ADAMTSL3: variants seen among roughly 807,000 people sequenced by gnomAD.
ADAMTSL3 encodes ADAMTS-like protein 3.
A neutral mutation model predicts 201.7 loss-of-function variants in ADAMTSL3; 128 were observed. That is an observed-to-expected ratio of 0.63 (90% CI 0.55 to 0.73). The LOEUF is 0.73. Ranked by LOEUF, ADAMTSL3 falls within the 30% of genes least tolerant of loss-of-function variation. ADAMTSL3 has a pLI of 0.00. For missense variants in ADAMTSL3, 1,990 were observed against 2,119.6 expected, an observed-to-expected ratio of 0.94 and a Z score of 1.20; for synonymous variants, 738 against 748.4, an observed-to-expected ratio of 0.99 and a Z score of 0.23.
At chr15:83,953,223 C>T (rs902702072) in intron 19 of ADAMTSL3, among the ~76,000 whole-genome samples, 6 of 152,044 alleles carry the variant, frequency 3.9e-5, no homozygotes, top group African/African-American at 1.4e-4. Context: ...TCCTTCCTTC[C>T]TGTTTTCTTT....
intron 4 of ADAMTSL3, among the ~76,000 whole-genome samples, chr15:83,792,231 A>C (rs182235591): frequency 6.6e-6 from 1 of 152,244 alleles, no homozygotes; most frequent in Non-Finnish European, 1.5e-5. Context: ...AAAGATATAC[A>C]TAGGATGAAC....
chr15:83,870,717 A>G, intron 8 of ADAMTSL3, 85 bp from the exon 9 acceptor site: 2 of 1,137,054 alleles, frequency 1.8e-6, no homozygotes, highest in Non-Finnish European at 1.2e-6. Context: ...GATATCATAT[A>G]CTGACATTGT....
chr15:83,958,858 G>A (rs138526789), intron 19 of ADAMTSL3, among the ~76,000 whole-genome samples: 4 of 152,072 alleles, frequency 2.6e-5, no homozygotes, highest in Non-Finnish European at 5.9e-5. Context: ...TCAGAATGTA[G>A]ACTAAACACT....
chr15:83,717,629 T>C (rs956849032), intron 3 of ADAMTSL3: 2 of 152,180 alleles, frequency 1.3e-5, no homozygotes, highest in African/African-American at 4.8e-5. Context: ...GGCTTTGGGA[T>C]CATGCAAATA....
intron 4 of ADAMTSL3, among the ~76,000 whole-genome samples, chr15:83,784,808 A>G (rs1035346842): frequency 6.7e-6 from 1 of 149,678 alleles, no homozygotes; most frequent in Non-Finnish European, 1.5e-5. Context: ...TTTTTTCTTT[A>G]TTCCCATTTC....
chr15:83,860,400 G>C (rs1247866569), intron 8 of ADAMTSL3, among the ~76,000 whole-genome samples: 1 of 152,142 alleles, frequency 6.6e-6, no homozygotes, highest in Non-Finnish European at 1.5e-5. Flanking sequence ...GGCTGACACT[G>C]TTTTCCCAGA....
intron 2 of ADAMTSL3, among the ~76,000 whole-genome samples, chr15:83,681,137 C>T (rs1446498279): frequency 6.6e-6 from 1 of 152,164 alleles, no homozygotes. Flanking sequence ...CTAGAATAGG[C>T]TATATCATGC....
At chr15:83,682,806 T>G (rs892433626) in intron 2 of ADAMTSL3, among the ~76,000 whole-genome samples, 1 of 152,228 alleles carries the variant, frequency 6.6e-6, no homozygotes, top group Non-Finnish European at 1.5e-5. Context: ...AATGTTTGCT[T>G]TCTTAGAAGT....
intron 17 of ADAMTSL3, among the ~76,000 whole-genome samples, chr15:83,927,768 T>C (rs1176507891): frequency 6.6e-6 from 1 of 152,170 alleles, no homozygotes; most frequent in Non-Finnish European, 1.5e-5. Flanking sequence ...TAGTCCAAAT[T>C]CTGCCTTTTC....
intron 2 of ADAMTSL3, among the ~76,000 whole-genome samples, chr15:83,670,602 A>T (rs2061318735): frequency 6.6e-6 from 1 of 152,190 alleles, no homozygotes; most frequent in Non-Finnish European, 1.5e-5. Context: ...ATTTCATTTC[A>T]TTCTATTCCA....
At chr15:83,958,249 T>C (rs1345699893) in intron 19 of ADAMTSL3, among the ~76,000 whole-genome samples, 1 of 152,156 alleles carries the variant, frequency 6.6e-6, no homozygotes, top group East Asian at 1.9e-4. Flanking sequence ...TCAGCCAAAT[T>C]GAGGAAGGAC....
chr15:83,917,576 T>A (rs1596403428), intron 16 of ADAMTSL3, among the ~76,000 whole-genome samples: 1 of 152,354 alleles, frequency 6.6e-6, no homozygotes, highest in East Asian at 1.9e-4. Flanking sequence ...TACCCTCTGG[T>A]AAGGTTTTAT....
intron 8 of ADAMTSL3, among the ~76,000 whole-genome samples, chr15:83,865,184 C>G (rs2064949151): frequency 6.6e-6 from 1 of 152,172 alleles, no homozygotes; most frequent in African/African-American, 2.4e-5. Context: ...AATGGCCATA[C>G]TGCCCAAGGT....
At chr15:84,023,866 G>A (rs2068250273) in intron 26 of ADAMTSL3, among the ~76,000 whole-genome samples, 2 of 152,106 alleles carry the variant, frequency 1.3e-5, no homozygotes, top group African/African-American at 2.4e-5. Context: ...TGTGGATACC[G>A]TCTCAGAACC....
chr15:84,039,678 A>C lies in ADAMTSL3; in HGVS notation c.*1872A>C, dbSNP rs920200909. On this transcript the variant is annotated 3_prime_UTR_variant, in exon 30 of 30. Coordinates refer to ENST00000286744, the MANE Select transcript of ADAMTSL3 (RefSeq NM_207517.3). ...TTTGTATTTAAAGTTAAAAGTTACT[A>C]TTTTTCATTTGCTATTGTACTTTCA... 6.6e-6 allele frequency: 1 copy of C among 152,474 alleles called. No individual in the cohort carries two copies. The highest frequency in any genetic ancestry group is 1.5e-5 in the Non-Finnish European group (1 of 68,006). The allele number at this position is 152,474 out of a possible 1,614,324, so 9.4% of individuals were successfully genotyped here.
At chr15:84,008,107 A>T (rs1000371306) in intron 23 of ADAMTSL3, among the ~76,000 whole-genome samples, 1 of 152,080 alleles carries the variant, frequency 6.6e-6, no homozygotes, top group Non-Finnish European at 1.5e-5. Flanking sequence ...TTCAGTTGTC[A>T]GGTTTGTTTG....
At chr15:84,016,319 C>G in intron 24 of ADAMTSL3, 64 bp from the exon 25 acceptor site, 2 of 1,323,128 alleles carry the variant, frequency 1.5e-6, no homozygotes, top group Non-Finnish European at 2.2e-6. Flanking sequence ...TTAAGAACAC[C>G]CAAGCTGGAC....
chr15:83,716,344 A>AACAC (rs35902543), intron 3 of ADAMTSL3, among the ~76,000 whole-genome samples: 14 of 150,148 alleles, frequency 9.3e-5, no homozygotes, highest in Non-Finnish European at 1.9e-4. Flanking sequence ...CTCTACTAAA[A>AACAC]ACACACACAC....
In ADAMTSL3 at chr15:83,891,308, TCA is replaced by T. The variant is rs1243633603; in HGVS notation, c.1212-18_1212-17del. 5 of 1,568,912 alleles carry T rather than the reference TCA, an allele frequency of 3.2e-6. No homozygotes were observed. Among genetic ancestry groups the T allele is most frequent in the Non-Finnish European group, 4.4e-6 (5 of 1,139,936 alleles). On this transcript the variant is annotated intron_variant, in intron 11 of 29. Transcript: ENST00000286744. The stretch of plus-strand genomic sequence containing the variant: ...TTAATTTATTATAGAAATGATATTC[TCA>T]CAATGATTTCATTTGTAGTGATGGA...
Sources: gnomAD v4.1 joint callset for allele counts (sites outside exome capture counted in the v4.1 genomes callset) on GRCh38, gnomAD v4.1.1 for gene constraint, MANE v1.5 for transcripts, NCBI Gene and HGNC (gene_info 2026-07-23, HGNC 2026-07-21) for gene names.